The following EMID1 variants were observed in gnomAD, a reference collection of about 807,000 sequenced individuals.
EMID1 encodes the protein EMI domain-containing protein 1.
EMID1 carries 40 observed loss-of-function variants against 60.6 expected under a neutral mutation model. The ratio of observed to expected loss-of-function variants is 0.66; its 90% CI spans 0.51 to 0.86. The LOEUF (loss-of-function observed/expected upper bound fraction) is 0.86, where lower values mean the gene tolerates loss of function less well. Among genes scored for constraint, EMID1 ranks in the 40% least tolerant of loss-of-function variants. The pLI is 0.00. For synonymous variants in EMID1, 242 were observed against 231.0 expected (o/e 1.05, Z -0.43); for missense variants, 585 against 597.1 (o/e 0.98, Z 0.21).
intron 13 of EMID1, among the ~76,000 whole-genome samples, chr22:29,253,233 C>T (rs2041588214): frequency 6.6e-6 from 1 of 152,116 alleles, no homozygotes. Flanking sequence ...TCACTTGAGG[C>T]CAGGAGATCG....
At position 29,231,101 on chromosome 22, in the gene EMID1, C is replaced by G. The variant is rs1313163139; in HGVS notation, c.547C>G (p.Pro183Ala). 1.2e-6 allele frequency: 2 copies of G among 1,613,054 alleles called. No individual in the cohort carries two copies. The highest frequency in any genetic ancestry group is 1.3e-5 in the African/African-American group (1 of 74,902). Reference sequence around the variant, plus strand: ...GGACCCTGCCCCGCTCTGGGGTCCCCCTCCTGCCCAGGGCAGCCCCGGAGA... The same window carrying G: ...GGACCCTGCCCCGCTCTGGGGTCCCGCTCCTGCCCAGGGCAGCCCCGGAGA... ...PEDPAPLWGP[P>A]PAQGSPGDGG... is the part of the protein sequence containing the mutation. The change falls in exon 6 of 15, where the codon CCT becomes GCT. Residue 183 changes from proline (P) to alanine (A), a missense_variant. By Grantham distance (27) the Pro-to-Ala change is conservative. Transcript: ENST00000334018.
intron 1 of EMID1, among the ~76,000 whole-genome samples, chr22:29,209,053 A>G (rs1413626184): frequency 6.6e-6 from 1 of 151,858 alleles, no homozygotes; most frequent in Admixed American, 6.6e-5. Context: ...TCATCATACC[A>G]CCCCTGCCCG....
chr22:29,207,435 C>T (rs995939001), intron 1 of EMID1, among the ~76,000 whole-genome samples: 6 of 152,162 alleles, frequency 3.9e-5, no homozygotes, highest in Admixed American at 6.5e-5. Context: ...ACATGACCTG[C>T]CCAGAGCATG....
chr22:29,231,840 C>G (rs908276676), intron 7 of EMID1, 158 bp downstream of exon 7: 2 of 664,814 alleles, frequency 3.0e-6, no homozygotes, highest in Admixed American at 3.2e-5. Context: ...CACGCCTGGG[C>G]TCCATGAAGT....
At chr22:29,229,278 G>A (rs1198005259) in intron 5 of EMID1, among the ~76,000 whole-genome samples, 3 of 152,236 alleles carry the variant, frequency 2.0e-5, no homozygotes, top group Admixed American at 1.3e-4. Flanking sequence ...GGACAAGGCT[G>A]CAGTGAGTCG....
chr22:29,232,965 C>T (rs1401594629), intron 8 of EMID1: 1 of 219,970 alleles, frequency 4.5e-6, no homozygotes, highest in Non-Finnish European at 9.1e-6. Flanking sequence ...TCTGCCATCC[C>T]AGCATTCATT....
In EMID1 at chr22:29,243,838, A is replaced by G. The variant is rs561351107; in HGVS notation, c.1119+349A>G. On this transcript the variant is annotated intron_variant, in intron 13 of 14. Transcript: ENST00000334018. ...GCCAGACTGCATCCCCTGCCTCCAT[A>G]GCCCCCTCCCAGCCAAGGCTTAGCT... is the stretch of plus-strand genomic sequence containing the variant. Among the ~76,000 whole-genome samples, 124 of 152,288 alleles carry G rather than the reference A, an allele frequency of 8.1e-4. 1 individual carries two copies. The highest frequency in any genetic ancestry group is 2.9e-3 in the African/African-American group (120 of 41,552).
intron 3 of EMID1, among the ~76,000 whole-genome samples, chr22:29,219,290 G>A (rs1199993397): frequency 6.6e-6 from 1 of 152,140 alleles, no homozygotes; most frequent in Non-Finnish European, 1.5e-5. Context: ...CTCCTAGATA[G>A]AAAGATAGAG....
chr22:29,231,848 A>G, intron 7 of EMID1, 166 bp downstream of exon 7: 1 of 634,570 alleles, frequency 1.6e-6, no homozygotes, highest in Non-Finnish European at 2.6e-6. Flanking sequence ...GGCTCCATGA[A>G]GTCCTCTCTT....
rs1257349160 is a variant in EMID1 at position 29,231,580 on chromosome 22, C to A, written c.587-13C>A. ...GATGTGGAGCTGCCAGTCTGATATG[C>A]TTTACCCCCCAGACCAAGTCGGTGC... is the stretch of plus-strand genomic sequence containing the variant. On this transcript the variant is annotated splice_polypyrimidine_tract_variant and intron_variant, in intron 6 of 14. Coordinates refer to ENST00000334018, the MANE Select transcript of EMID1 (RefSeq NM_133455.4). 1.9e-6 allele frequency: 3 copies of A among 1,547,574 alleles called. No individual in the cohort carries two copies. Among genetic ancestry groups the A allele is most frequent in the Non-Finnish European group, 2.6e-6 (3 of 1,144,890 alleles).
chr22:29,239,956 C>T (rs538783618), intron 12 of EMID1, among the ~76,000 whole-genome samples: 25 of 135,332 alleles, frequency 1.8e-4, no homozygotes, highest in South Asian at 6.9e-4. Flanking sequence ...GGACTACAGG[C>T]GCCCGCCACC....
intron 1 of EMID1, among the ~76,000 whole-genome samples, chr22:29,211,734 C>G (rs901188649): frequency 4.6e-5 from 7 of 152,368 alleles, no homozygotes; most frequent in Middle Eastern, 6.8e-3. Flanking sequence ...TCCAGGGCCC[C>G]TTTCCTGTCT....
At chr22:29,257,547 G>C (rs2041746305) in intron 14 of EMID1, among the ~76,000 whole-genome samples, 1 of 152,080 alleles carries the variant, frequency 6.6e-6, no homozygotes, top group Admixed American at 6.6e-5. Flanking sequence ...TGGCCCTTTG[G>C]ACTGCATCAG....
intron 13 of EMID1, among the ~76,000 whole-genome samples, chr22:29,245,090 CT>C: frequency 6.6e-6 from 1 of 152,260 alleles, no homozygotes; most frequent in Admixed American, 6.5e-5. Context: ...GAGTCTTCCC[CT>C]GTGTCTGCCC....
intron 5 of EMID1, among the ~76,000 whole-genome samples, chr22:29,228,796 A>G (rs372089521): frequency 2.0e-5 from 3 of 152,056 alleles, no homozygotes; most frequent in African/African-American, 4.8e-5. Context: ...GGGTCTTGCT[A>G]TGTTTCCTAA....
chr22:29,247,344 T>C (rs1489171953), intron 13 of EMID1, among the ~76,000 whole-genome samples: 2 of 152,240 alleles, frequency 1.3e-5, no homozygotes, highest in Non-Finnish European at 2.9e-5. Context: ...GGACCAATTA[T>C]TGGTACAGCC....
chr22:29,224,331 G>T (rs2040415487), intron 3 of EMID1, among the ~76,000 whole-genome samples: 1 of 152,248 alleles, frequency 6.6e-6, no homozygotes, highest in Non-Finnish European at 1.5e-5. Context: ...GGGGCTGAGG[G>T]GGGCAGTTGC....
intron 12 of EMID1, among the ~76,000 whole-genome samples, chr22:29,239,807 T>G (rs927607645): frequency 1.5e-4 from 22 of 150,822 alleles, no homozygotes; most frequent in Non-Finnish European, 3.0e-4. Context: ...TCCCAGGCAC[T>G]GGAGTGCAGT....
intron 1 of EMID1, among the ~76,000 whole-genome samples, chr22:29,209,699 G>A (rs1236081042): frequency 6.6e-6 from 1 of 152,210 alleles, no homozygotes; most frequent in Non-Finnish European, 1.5e-5. Context: ...CCCAACCCCT[G>A]CCTGGGCCTG....
Sources: gnomAD v4.1 joint callset for allele counts (sites outside exome capture counted in the v4.1 genomes callset) on GRCh38, gnomAD v4.1.1 for gene constraint, MANE v1.5 for transcripts, NCBI Gene and HGNC (gene_info 2026-07-23, HGNC 2026-07-21) for gene names.